The following NBAS variants were observed in gnomAD, a reference collection of about 807,000 sequenced individuals.
The protein encoded by NBAS is NAG/BC035112 fusion.
A neutral mutation model predicts 302.5 loss-of-function variants in NBAS; 219 were observed. The ratio of observed to expected loss-of-function variants is 0.72; its 90% CI spans 0.65 to 0.81. The LOEUF (loss-of-function observed/expected upper bound fraction) is 0.81, where lower values mean the gene tolerates loss of function less well. Among genes scored for constraint, NBAS ranks in the 30% least tolerant of loss-of-function variants. The pLI is 0.00. For missense variants in NBAS, 2,932 were observed against 2,841.6 expected, an observed-to-expected ratio of 1.03 and a Z score of -0.72; for synonymous variants, 1,118 against 1,021.6, an observed-to-expected ratio of 1.09 and a Z score of -1.80.
rs375048014 is a variant in NBAS at position 15,443,595 on chromosome 2, G to C, written c.2340-15801C>G. ...GCATTCCCTCTGAAAACTGGCACAA[G>C]ACAGGGATGCCCTCTCTCACCACTC... On this transcript the variant is annotated intron_variant, in intron 21 of 51. Transcript: ENST00000281513. Among the ~76,000 whole-genome samples the C allele has an allele frequency of 4.2e-3, 629 of 149,552 alleles. 2 individuals carry two copies. The highest frequency in any genetic ancestry group is 0.023 in the East Asian group (113 of 4,826).
At chr2:15,341,067 T>C (rs1373461289) in intron 35 of NBAS, among the ~76,000 whole-genome samples, 5 of 152,080 alleles carry the variant, frequency 3.3e-5, no homozygotes, top group Admixed American at 2.0e-4. Flanking sequence ...CAGGGCTAAA[T>C]AATATTATGG....
chr2:14,991,304 C>A, the NBAS span, among the ~76,000 whole-genome samples: 1 of 152,050 alleles, frequency 6.6e-6, no homozygotes, highest in Non-Finnish European at 1.5e-5. Flanking sequence ...GGATTAATGT[C>A]TCAGCTCTGT....
chr2:15,038,541 T>A, the NBAS span, among the ~76,000 whole-genome samples: 125,243 of 152,134 alleles, frequency 0.82, 51,908 homozygotes, highest in East Asian at 1. Flanking sequence ...CTTTTCACAC[T>A]TTGTTGCTCC....
chr2:15,237,223 A>G (rs1667634567), intron 45 of NBAS, among the ~76,000 whole-genome samples: 1 of 151,856 alleles, frequency 6.6e-6, no homozygotes, highest in Non-Finnish European at 1.5e-5. Flanking sequence ...AATTATCTCA[A>G]CTCCCACAAT....
chr2:15,507,594 T>C (rs1290591344), intron 10 of NBAS, among the ~76,000 whole-genome samples: 2 of 152,296 alleles, frequency 1.3e-5, no homozygotes, highest in East Asian at 3.9e-4. Flanking sequence ...TAGTAGACAG[T>C]GGTAAGGGAT....
intron 17 of NBAS, 46 bp from the exon 18 acceptor site, chr2:15,467,850 T>C (rs1409060701): frequency 6.9e-7 from 1 of 1,450,060 alleles, no homozygotes; most frequent in Non-Finnish European, 9.6e-7. Context: ...TTTTAAAAAC[T>C]TCGTGTTGTG....
At chr2:15,391,573 T>C (rs897039912) in intron 28 of NBAS, among the ~76,000 whole-genome samples, 4 of 152,010 alleles carry the variant, frequency 2.6e-5, no homozygotes, top group African/African-American at 9.7e-5. Context: ...AAGGTCCTAA[T>C]AGATGTATAA....
intron 48 of NBAS, among the ~76,000 whole-genome samples, chr2:15,200,423 T>TA (rs898522686): frequency 2.1e-4 from 32 of 152,282 alleles, no homozygotes; most frequent in Middle Eastern, 3.4e-3. Flanking sequence ...TATTTTTTTT[T>TA]ACTACATTTT....
intron 8 of NBAS, among the ~76,000 whole-genome samples, chr2:15,535,371 A>C (rs1663438328): frequency 6.6e-6 from 1 of 151,946 alleles, no homozygotes; most frequent in Non-Finnish European, 1.5e-5. Context: ...AATACAAAAA[A>C]ATTAGCCAGG....
At chr2:15,313,790 G>A (rs1371874263) in intron 38 of NBAS, among the ~76,000 whole-genome samples, 1 of 152,150 alleles carries the variant, frequency 6.6e-6, no homozygotes, top group Non-Finnish European at 1.5e-5. Context: ...AACCACCCAA[G>A]CCAGCTGGAG....
At chr2:15,325,204 G>GT (rs781533761) in intron 38 of NBAS, among the ~76,000 whole-genome samples, 2 of 152,130 alleles carry the variant, frequency 1.3e-5, no homozygotes, top group Non-Finnish European at 2.9e-5. Flanking sequence ...GATACTGTGA[G>GT]TTTTGTTCCA....
chr2:14,911,424 G>A, the NBAS span, among the ~76,000 whole-genome samples: 1 of 152,154 alleles, frequency 6.6e-6, no homozygotes, highest in Non-Finnish European at 1.5e-5. Context: ...AATACATCCT[G>A]GACGCTATTA....
At chr2:15,034,274 A>G in the NBAS span, among the ~76,000 whole-genome samples, 2 of 105,684 alleles carry the variant, frequency 1.9e-5, no homozygotes, top group African/African-American at 8.2e-5. Context: ...GAAAGAAAGA[A>G]AGAGAGAAAG....
At chr2:15,143,744 A>G in the NBAS span, among the ~76,000 whole-genome samples, 3 of 152,074 alleles carry the variant, frequency 2.0e-5, no homozygotes, top group African/African-American at 7.2e-5. Flanking sequence ...AGAGATTAAC[A>G]TTTGAGTCAG....
At chr2:15,172,111 A>T (rs1664325084) in intron 51 of NBAS, among the ~76,000 whole-genome samples, 1 of 152,242 alleles carries the variant, frequency 6.6e-6, no homozygotes, top group Non-Finnish European at 1.5e-5. Flanking sequence ...TACAGCGGTG[A>T]CATCAGCATG....
intron 45 of NBAS, 111 bp downstream of exon 45, chr2:15,238,357 A>T: frequency 9.4e-7 from 1 of 1,062,628 alleles, no homozygotes; most frequent in South Asian, 1.4e-5. Flanking sequence ...ACAATTTTCA[A>T]GGATATCTGC....
the NBAS span, among the ~76,000 whole-genome samples, chr2:14,956,893 T>C: frequency 6.6e-6 from 1 of 152,208 alleles, no homozygotes; most frequent in Non-Finnish European, 1.5e-5. Flanking sequence ...AAAATTCATA[T>C]GTTGAAGTCC....
Position 15,166,918 on chromosome 2 carries a change from G to T in NBAS, c.*130C>A. 1 of 1,243,246 alleles carries T rather than the reference G, an allele frequency of 8.0e-7. No individual in the cohort carries two copies. Among genetic ancestry groups the T allele is most frequent in the Non-Finnish European group, 1.1e-6 (1 of 924,402 alleles). 77.0% of individuals were successfully genotyped at this position (1,243,246 alleles called of 1,614,324 possible). On this transcript the variant is annotated 3_prime_UTR_variant, in exon 52 of 52. Coordinates refer to ENST00000281513, the MANE Select transcript of NBAS (RefSeq NM_015909.4). ...TTAAAAAAGCGGCAGCTTGCTCATC[G>T]TTTCCATACAGTTTTATTTGCAATT... is the stretch of plus-strand genomic sequence containing the variant.
chr2:15,469,604 T>C (rs1381212834), intron 16 of NBAS, among the ~76,000 whole-genome samples: 1 of 151,992 alleles, frequency 6.6e-6, no homozygotes. Flanking sequence ...CCATCAATGA[T>C]AGACTGGATT....
Sources: allele counts gnomAD v4.1 joint callset (sites outside exome capture counted in the v4.1 genomes callset), GRCh38; gene constraint gnomAD v4.1.1; transcripts MANE v1.5; gene names NCBI Gene and HGNC (gene_info 2026-07-23, HGNC 2026-07-21).